Variants in EYS observed in about 807,000 individuals in gnomAD.
EYS encodes protein eyes shut homolog.
In EYS, 250 loss-of-function variants were observed where a neutral mutation model predicts 282.1. The observed-to-expected ratio is 0.89, with a 90% CI of 0.80 to 0.98. EYS has a LOEUF of 0.98. Ranked by LOEUF, EYS falls within the 50% of genes least tolerant of loss-of-function variation. The probability of loss-of-function intolerance (pLI) is 0.00; values close to 1 mark genes in which losing one functional copy is unlikely to be tolerated. For synonymous variants in EYS, 1,355 were observed against 1,282.9 expected, an observed-to-expected ratio of 1.06 and a Z score of -1.20; for missense variants, 4,016 against 3,709.0, an observed-to-expected ratio of 1.08 and a Z score of -2.15.
chr6:64,611,775 T>C (rs955735684), intron 24 of EYS, among the ~76,000 whole-genome samples: 1 of 152,142 alleles, frequency 6.6e-6, no homozygotes, highest in Admixed American at 6.5e-5. Flanking sequence ...TCCAAATACA[T>C]TGTTTTAGTG....
intron 22 of EYS, among the ~76,000 whole-genome samples, chr6:64,677,761 T>G (rs1769745780): frequency 6.6e-6 from 1 of 152,152 alleles, no homozygotes; most frequent in South Asian, 2.1e-4. Flanking sequence ...ATTCTGTCAT[T>G]TTCATACATA....
chr6:64,436,111 A>C, intron 28 of EYS, 63 bp downstream of exon 28: 1 of 968,790 alleles, frequency 1.0e-6, no homozygotes, highest in Non-Finnish European at 1.5e-6. Flanking sequence ...GACAAGTACA[A>C]TATTGTTAGG....
chr6:65,155,928 T>C (rs971588547), intron 12 of EYS, among the ~76,000 whole-genome samples: 1 of 151,494 alleles, frequency 6.6e-6, no homozygotes, highest in South Asian at 2.1e-4. Flanking sequence ...TAATAAACAG[T>C]GAGAATACCT....
intron 31 of EYS, among the ~76,000 whole-genome samples, chr6:64,096,728 G>C (rs952493972): frequency 6.6e-6 from 1 of 151,904 alleles, no homozygotes; most frequent in Non-Finnish European, 1.5e-5. Flanking sequence ...TAGTTTGATC[G>C]TCTGAAGCCT....
chr6:64,040,104 A>C (rs747426685), intron 33 of EYS, among the ~76,000 whole-genome samples: 9 of 152,210 alleles, frequency 5.9e-5, no homozygotes, highest in Non-Finnish European at 1.3e-4. Flanking sequence ...TAGAACTGAA[A>C]AAACGTTTTC....
intron 22 of EYS, among the ~76,000 whole-genome samples, chr6:64,769,229 A>G (rs2149984644): frequency 6.6e-6 from 1 of 152,204 alleles, no homozygotes. Context: ...TGCAGATACC[A>G]GCTGAACTGT....
At chr6:65,262,840 G>A in intron 12 of EYS, among the ~76,000 whole-genome samples, 1 of 151,944 alleles carries the variant, frequency 6.6e-6, no homozygotes. Context: ...ATATTAAGAG[G>A]ATAATTGGTG....
intron 13 of EYS, among the ~76,000 whole-genome samples, chr6:65,044,952 C>G (rs1773056201): frequency 6.6e-6 from 1 of 151,808 alleles, no homozygotes; most frequent in African/African-American, 2.4e-5. Context: ...ACATATCAGA[C>G]TGAAGGTAGC....
At chr6:65,240,231 G>T (rs954674833) in intron 12 of EYS, among the ~76,000 whole-genome samples, 5 of 152,090 alleles carry the variant, frequency 3.3e-5, no homozygotes, top group Non-Finnish European at 7.4e-5. Flanking sequence ...GCCTCCCAAA[G>T]TGCTGGGATT....
chr6:63,720,204 A>G lies in EYS; in HGVS notation c.*392T>C, dbSNP rs1388894761. 1 of 258,002 alleles carries G rather than the reference A, an allele frequency of 3.9e-6. No homozygotes were observed. Among genetic ancestry groups the G allele is most frequent in the Non-Finnish European group, 7.3e-6 (1 of 137,344 alleles). The allele number at this position is 258,002 out of a possible 1,614,324, so 16.0% of individuals were successfully genotyped here. On this transcript the variant is annotated 3_prime_UTR_variant, in exon 43 of 43. Coordinates refer to ENST00000503581, the MANE Select transcript of EYS (RefSeq NM_001142800.2). ...CTTGATTTTTTTCTTATTTGTACCT[A>G]TCCCTAATTCATTCCCAACTGAATT... is the stretch of plus-strand genomic sequence containing the variant.
intron 26 of EYS, among the ~76,000 whole-genome samples, chr6:64,460,344 G>C (rs1038423468): frequency 6.6e-6 from 1 of 152,148 alleles, no homozygotes; most frequent in East Asian, 1.9e-4. Flanking sequence ...TCACTGATGT[G>C]TGTTGTTTGT....
At chr6:64,293,398 A>G (rs1406881201) in intron 30 of EYS, among the ~76,000 whole-genome samples, 1 of 152,120 alleles carries the variant, frequency 6.6e-6, no homozygotes, top group African/African-American at 2.4e-5. Context: ...GTGGGGGTGG[A>G]TAAAAGTGGA....
intron 31 of EYS, among the ~76,000 whole-genome samples, chr6:64,211,088 G>A (rs1026238919): frequency 6.6e-6 from 1 of 152,024 alleles, no homozygotes; most frequent in Admixed American, 6.6e-5. Flanking sequence ...AGTGTCTTGG[G>A]GTCGTGAATG....
At chr6:64,236,089 A>G (rs1018288849) in intron 30 of EYS, among the ~76,000 whole-genome samples, 2 of 152,156 alleles carry the variant, frequency 1.3e-5, no homozygotes, top group Non-Finnish European at 2.9e-5. Flanking sequence ...ATACTGGCAA[A>G]TCGAATCCAG....
At chr6:63,749,073 T>C (rs948795101) in intron 41 of EYS, among the ~76,000 whole-genome samples, 1 of 152,164 alleles carries the variant, frequency 6.6e-6, no homozygotes, top group Non-Finnish European at 1.5e-5. Context: ...AGTTGTGATG[T>C]TAGGTTGTTA....
intron 30 of EYS, among the ~76,000 whole-genome samples, chr6:64,254,668 T>C (rs1304639111): frequency 6.6e-6 from 1 of 152,086 alleles, no homozygotes; most frequent in Non-Finnish European, 1.5e-5. Flanking sequence ...TGTCAGCTGC[T>C]CACCTGGGGT....
At chr6:64,643,839 T>C (rs1409629043) in intron 22 of EYS, among the ~76,000 whole-genome samples, 1 of 152,210 alleles carries the variant, frequency 6.6e-6, no homozygotes, top group African/African-American at 2.4e-5. Flanking sequence ...GATGATTGTG[T>C]GGCCTCTCCA....
At chr6:64,763,696 A>G (rs987496441) in intron 22 of EYS, among the ~76,000 whole-genome samples, 1 of 152,164 alleles carries the variant, frequency 6.6e-6, no homozygotes, top group Non-Finnish European at 1.5e-5. Context: ...GTCCAAATCC[A>G]AAGTCTCATC....
intron 26 of EYS, among the ~76,000 whole-genome samples, chr6:64,569,040 A>AAC (rs1333917149): frequency 1.1e-4 from 16 of 151,336 alleles, no homozygotes; most frequent in East Asian, 7.8e-4. Flanking sequence ...AAAAAAAAAA[A>AAC]AAAACAGCAA....
Sources: allele counts gnomAD v4.1 joint callset (sites outside exome capture counted in the v4.1 genomes callset), GRCh38; gene constraint gnomAD v4.1.1; transcripts MANE v1.5; gene names NCBI Gene and HGNC (gene_info 2026-07-23, HGNC 2026-07-21).